The following ACAD11 variants were observed in gnomAD, a reference collection of about 807,000 sequenced individuals.
ACAD11 encodes the protein acyl-CoA dehydrogenase family member 11.
Under a neutral mutation model 102.2 loss-of-function variants are expected in ACAD11, and 83 were observed. That is an observed-to-expected ratio of 0.81 (90% CI 0.68 to 0.97). The LOEUF (loss-of-function observed/expected upper bound fraction) is 0.97. Ranked by LOEUF, ACAD11 falls within the 50% of genes least tolerant of loss-of-function variation. The pLI, the probability that ACAD11 is intolerant of heterozygous loss-of-function variation, is 0.00. For synonymous variants in ACAD11, 324 were observed against 319.8 expected, an observed-to-expected ratio of 1.01 and a Z score of -0.14; for missense variants, 901 against 951.7, an observed-to-expected ratio of 0.95 and a Z score of 0.70.
chr3:132,633,678 A>G lies in ACAD11; in HGVS notation c.703-2199T>C, dbSNP rs537812059. 2.6e-5 allele frequency among the ~76,000 whole-genome samples: 4 copies of G among 152,344 alleles called. No individual in the cohort carries two copies. The East Asian group carries it at 7.7e-4, about 29-fold the overall frequency. On this transcript the variant is annotated intron_variant, in intron 5 of 19. Coordinates refer to ENST00000264990, the MANE Select transcript of ACAD11 (RefSeq NM_032169.5). ...CAGCTCCTACAAGGCTACAGTAACC[A>G]AAACAGCATGGTACTGGTACTAAAA...
intron 5 of ACAD11, among the ~76,000 whole-genome samples, chr3:132,636,778 T>C (rs979456704): frequency 6.6e-6 from 1 of 152,154 alleles, no homozygotes; most frequent in African/African-American, 2.4e-5. Context: ...TGATATTGTG[T>C]AGCGGACGAA....
chr3:132,580,896 A>C (rs1937587933), intron 13 of ACAD11, among the ~76,000 whole-genome samples: 1 of 152,012 alleles, frequency 6.6e-6, no homozygotes, highest in South Asian at 2.1e-4. Flanking sequence ...CCAAAAATGT[A>C]AGAGACACTT....
At chr3:132,621,941 C>T (rs183973910) in intron 9 of ACAD11, among the ~76,000 whole-genome samples, 1 of 149,888 alleles carries the variant, frequency 6.7e-6, no homozygotes, top group East Asian at 2.0e-4. Flanking sequence ...ATTGCCCCAC[C>T]CCACTGCAGC....
intron 11 of ACAD11, among the ~76,000 whole-genome samples, chr3:132,613,571 A>C (rs1434866518): frequency 1.3e-5 from 2 of 152,016 alleles, no homozygotes; most frequent in African/African-American, 4.8e-5. Context: ...TCAAATTGTC[A>C]CTGTTTGCAG....
At chr3:132,605,431 C>A (rs1190389251) in intron 11 of ACAD11, among the ~76,000 whole-genome samples, 1 of 152,202 alleles carries the variant, frequency 6.6e-6, no homozygotes, top group African/African-American at 2.4e-5. Context: ...GAATCACAGA[C>A]TCTTCTTCAG....
chr3:132,644,946 G>C, intron 1 of ACAD11, 50 bp from the exon 2 acceptor site: 1 of 1,117,828 alleles, frequency 8.9e-7, no homozygotes, highest in Non-Finnish European at 1.3e-6. Context: ...TATGTTTTCC[G>C]TCATCCCCAA....
At chr3:132,626,852 A>G in intron 8 of ACAD11, 35 bp from the exon 9 acceptor site, 1 of 1,583,354 alleles carries the variant, frequency 6.3e-7, no homozygotes, top group Non-Finnish European at 8.6e-7. Flanking sequence ...AAAGGTTACA[A>G]AGATGTCCAA....
chr3:132,616,515 T>A (rs1159802597), intron 11 of ACAD11, among the ~76,000 whole-genome samples: 1 of 152,210 alleles, frequency 6.6e-6, no homozygotes, highest in African/African-American at 2.4e-5. Flanking sequence ...GTGGAAAATA[T>A]CCAAATGCAC....
chr3:132,595,580 C>T (rs953333096), intron 13 of ACAD11, among the ~76,000 whole-genome samples: 5 of 151,910 alleles, frequency 3.3e-5, no homozygotes, highest in South Asian at 2.1e-4. Flanking sequence ...TATCCAGCAT[C>T]TATAAGAAAT....
At chr3:132,611,073 G>C (rs573695480) in intron 11 of ACAD11, among the ~76,000 whole-genome samples, 1 of 152,034 alleles carries the variant, frequency 6.6e-6, no homozygotes, top group Non-Finnish European at 1.5e-5. Flanking sequence ...TTCAACATAC[G>C]CAAATCAGTA....
In ACAD11 at chr3:132,642,803, C is replaced by T. The variant is rs1940577191; in HGVS notation, c.250-1G>A. The T allele has an allele frequency of 6.2e-7, 1 of 1,606,862 alleles. No homozygotes were observed. Among genetic ancestry groups the T allele is most frequent in the South Asian group, 1.1e-5 (1 of 89,330 alleles). On this transcript the variant is annotated splice_acceptor_variant, in intron 2 of 19. Coordinates refer to ENST00000264990, the MANE Select transcript of ACAD11 (RefSeq NM_032169.5). LOFTEE classifies it high-confidence loss of function. Reference sequence around the variant, plus strand: ...TCTGGACTTTAAATTCTCTATCAATCTAAATAGGATGATGAATCATTAAAA... The same window carrying T: ...TCTGGACTTTAAATTCTCTATCAATTTAAATAGGATGATGAATCATTAAAA...
intron 5 of ACAD11, 97 bp downstream of exon 5, chr3:132,639,395 T>G: frequency 8.6e-7 from 1 of 1,163,128 alleles, no homozygotes. Flanking sequence ...GAACAGGGAG[T>G]GGGTTGGGCT....
chr3:132,576,806 C>T (rs945841680), intron 16 of ACAD11, 138 bp downstream of exon 16: 26 of 658,902 alleles, frequency 3.9e-5, no homozygotes, highest in African/African-American at 3.2e-4. Flanking sequence ...GTTCAAAAAC[C>T]GCAATAACTT....
At chr3:132,629,341 G>C (rs981376362) in intron 7 of ACAD11, among the ~76,000 whole-genome samples, 3 of 152,144 alleles carry the variant, frequency 2.0e-5, no homozygotes, top group African/African-American at 7.2e-5. Context: ...TTTATTTTTA[G>C]TAGATACGGG....
chr3:132,645,126 A>G (rs1940670442), intron 1 of ACAD11, among the ~76,000 whole-genome samples: 1 of 152,120 alleles, frequency 6.6e-6, no homozygotes, highest in South Asian at 2.1e-4. Flanking sequence ...AGAAGAGAGG[A>G]CCCCACTTCC....
At chr3:132,628,266 C>T (rs1939901242) in intron 8 of ACAD11, 74 bp downstream of exon 8, 1 of 997,258 alleles carries the variant, frequency 1.0e-6, no homozygotes, top group African/African-American at 1.6e-5. Flanking sequence ...ATCCCTACTC[C>T]CCTAAAGTGT....
intron 2 of ACAD11, 123 bp downstream of exon 2, chr3:132,644,674 A>T: frequency 2.3e-6 from 1 of 431,090 alleles, no homozygotes; most frequent in Non-Finnish European, 4.0e-6. Flanking sequence ...TTTCATTAGA[A>T]ATAAAATATA....
Position 132,558,765 on chromosome 3 carries a change from T to C in ACAD11, c.*206A>G. 2.0e-6 allele frequency: 1 copy of C among 512,358 alleles called. No individual in the cohort carries two copies. The allele number at this position is 512,358 out of a possible 1,614,324, so 31.7% of individuals were successfully genotyped here. ...AGGCACTAGATTGAATGACAACAGC[T>C]ACAGCATTTCTTACTGAACTTAACC... On this transcript the variant is annotated 3_prime_UTR_variant, in exon 20 of 20. Transcript: ENST00000264990.
In ACAD11 at chr3:132,630,574, G is replaced by A. The variant is rs979433059; in HGVS notation, c.842-16C>T. 5.7e-6 allele frequency: 9 copies of A among 1,591,380 alleles called. No homozygotes were observed. Among genetic ancestry groups the A allele is most frequent in the Non-Finnish European group, 6.8e-6 (8 of 1,169,854 alleles). On this transcript the variant is annotated splice_polypyrimidine_tract_variant and intron_variant, in intron 6 of 19. Coordinates refer to ENST00000264990, the MANE Select transcript of ACAD11 (RefSeq NM_032169.5). ...GATGGTATCCCTATAAAAACAGCATGTAATATAAACTTTAATTAAAATGTC... is the reference window on the plus strand; with the variant it reads ...GATGGTATCCCTATAAAAACAGCATATAATATAAACTTTAATTAAAATGTC...
Sources: gnomAD v4.1 joint callset for allele counts (sites outside exome capture counted in the v4.1 genomes callset) on GRCh38, gnomAD v4.1.1 for gene constraint, MANE v1.5 for transcripts, NCBI Gene and HGNC (gene_info 2026-07-23, HGNC 2026-07-21) for gene names.